ARHGAP32: variants seen among roughly 807,000 people sequenced by gnomAD.
The protein encoded by ARHGAP32 is Rho GTPase activating protein 32.
ARHGAP32 carries 51 observed loss-of-function variants against 186.5 expected under a neutral mutation model. The ratio of observed to expected loss-of-function variants is 0.27; its 90% CI spans 0.22 to 0.35. The LOEUF (loss-of-function observed/expected upper bound fraction) is 0.35. Among genes scored for constraint, ARHGAP32 ranks in the 10% least tolerant of loss-of-function variants. The pLI is 1.00. For synonymous variants in ARHGAP32, 950 were observed against 964.3 expected, an observed-to-expected ratio of 0.99 and a Z score of 0.27; for missense variants, 2,186 against 2,623.5, an observed-to-expected ratio of 0.83 and a Z score of 3.64.
At chr11:128,982,571 A>G (rs890472590) in intron 15 of ARHGAP32, among the ~76,000 whole-genome samples, 8 of 151,746 alleles carry the variant, frequency 5.3e-5, no homozygotes, top group Non-Finnish European at 7.4e-5. Context: ...CGTCCTACCT[A>G]ATAGTGCCCA....
chr11:129,187,622 C>T (rs1236477351), intron 1 of ARHGAP32, among the ~76,000 whole-genome samples: 5 of 151,938 alleles, frequency 3.3e-5, no homozygotes, highest in Admixed American at 2.0e-4. Flanking sequence ...ATGATTATTA[C>T]ACATTGTGTG....
chr11:129,033,255 A>G, intron 11 of ARHGAP32, among the ~76,000 whole-genome samples: 1 of 152,222 alleles, frequency 6.6e-6, no homozygotes, highest in African/African-American at 2.4e-5. Flanking sequence ...CATGTGTCTT[A>G]GTCTGTGTAC....
intron 2 of ARHGAP32, among the ~76,000 whole-genome samples, chr11:129,137,459 T>C (rs1010364198): frequency 5.3e-5 from 8 of 151,932 alleles, no homozygotes; most frequent in Non-Finnish European, 1.2e-4. Flanking sequence ...AATTATAAGT[T>C]GGTACCTTAA....
chr11:129,219,963 G>A (rs577487872), intron 1 of ARHGAP32, among the ~76,000 whole-genome samples: 1 of 152,072 alleles, frequency 6.6e-6, no homozygotes, highest in East Asian at 1.9e-4. Context: ...ATAAAACCTG[G>A]CCATACAGTT....
chr11:128,987,106 G>A (rs1030274178), intron 13 of ARHGAP32, among the ~76,000 whole-genome samples: 6 of 152,154 alleles, frequency 3.9e-5, no homozygotes, highest in Admixed American at 1.3e-4. Flanking sequence ...ATGCTTTCCC[G>A]AAGCAGGATA....
chr11:129,235,714 T>TC (rs1176382016), intron 1 of ARHGAP32, among the ~76,000 whole-genome samples: 4 of 151,998 alleles, frequency 2.6e-5, no homozygotes, highest in Non-Finnish European at 2.9e-5. Flanking sequence ...TCCCCACTAC[T>TC]CCCCGAGTCC....
At chr11:129,057,100 G>C (rs1436395468) in intron 10 of ARHGAP32, among the ~76,000 whole-genome samples, 1 of 152,144 alleles carries the variant, frequency 6.6e-6, no homozygotes, top group Non-Finnish European at 1.5e-5. Flanking sequence ...CTGGCTGACC[G>C]AGGTGCATGC....
chr11:129,250,112 G>A (rs1490725144), intron 1 of ARHGAP32, among the ~76,000 whole-genome samples: 1 of 152,040 alleles, frequency 6.6e-6, no homozygotes, highest in Non-Finnish European at 1.5e-5. Flanking sequence ...AGCTGCTCAG[G>A]AGGGTGAAGT....
Position 129,056,760 on chromosome 11 carries a change from T to C in ARHGAP32, c.963+5520A>G, listed in dbSNP as rs1940268369. Among the ~76,000 whole-genome samples, 3 of 152,018 alleles carry C rather than the reference T, an allele frequency of 2.0e-5. No individual in the cohort carries two copies. The South Asian group carries it at 6.2e-4, about 32-fold the overall frequency. ...ACATCGAGCTGAGCAGAGCTGCAAA[T>C]GCAGACATATCGGGCCTGGGTGTCA... On this transcript the variant is annotated intron_variant, in intron 10 of 22. Transcript: ENST00000682385.
Position 128,980,704 on chromosome 11 carries a change from T to C in ARHGAP32, c.1825A>G (p.Thr609Ala). Residue 609 changes from threonine to alanine, a missense_variant, in exon 18 of 23, where the codon ACC becomes GCC. Thr to Ala is a moderately conservative substitution (Grantham distance 58). Around this residue, in one of 5 missense-constraint regions of ARHGAP32, gnomAD observed 263 missense variants for 323.5 expected, o/e 0.81. Coordinates refer to ENST00000682385, the MANE Select transcript of ARHGAP32 (RefSeq NM_001378024.1). The stretch of plus-strand genomic sequence containing the variant: ...GCCTCTTCCAATGTCAGCAGTTTGG[T>C]GGATGGAGAGGATACCAGGAGGGAC... ...PKSLLVSSPS[T>A]KLLTLEEAQA... The C allele has an allele frequency of 1.2e-6, 2 of 1,613,974 alleles. No homozygotes were observed. Among genetic ancestry groups the C allele is most frequent in the Non-Finnish European group, 1.7e-6 (2 of 1,179,924 alleles).
chr11:129,015,266 C>T (rs1387100277), intron 11 of ARHGAP32, among the ~76,000 whole-genome samples: 2 of 152,122 alleles, frequency 1.3e-5, no homozygotes, highest in East Asian at 3.8e-4. Flanking sequence ...AACTGGAAAA[C>T]ACGACCAGAA....
intron 6 of ARHGAP32, among the ~76,000 whole-genome samples, chr11:129,086,657 T>TA (rs1413041544): frequency 6.6e-6 from 1 of 151,736 alleles, no homozygotes; most frequent in Non-Finnish European, 1.5e-5. Flanking sequence ...CTGTCTCTAC[T>TA]AAAAATACAA....
At chr11:129,024,269 C>T (rs972919500) in intron 11 of ARHGAP32, 4 of 607,886 alleles carry the variant, frequency 6.6e-6, no homozygotes, top group Non-Finnish European at 8.3e-6. Context: ...CACCCATCAA[C>T]CCCACACAGG....
At chr11:129,197,590 G>A (rs924206821) in intron 1 of ARHGAP32, among the ~76,000 whole-genome samples, 6 of 152,124 alleles carry the variant, frequency 3.9e-5, no homozygotes, top group Non-Finnish European at 8.8e-5. Context: ...TGTGAATAAT[G>A]TGTGCTCTGT....
chr11:129,252,489 C>G (rs1565481465), intron 1 of ARHGAP32, among the ~76,000 whole-genome samples: 1 of 152,148 alleles, frequency 6.6e-6, no homozygotes, highest in Non-Finnish European at 1.5e-5. Context: ...TAAGAATTAG[C>G]TCTTCTTCTT....
At chr11:129,166,937 C>A (rs1406630460) in intron 1 of ARHGAP32, among the ~76,000 whole-genome samples, 1 of 152,054 alleles carries the variant, frequency 6.6e-6, no homozygotes, top group African/African-American at 2.4e-5. Flanking sequence ...TTTAGGATTT[C>A]TCTATTGGTT....
intron 10 of ARHGAP32, among the ~76,000 whole-genome samples, chr11:129,041,827 T>C (rs1939605548): frequency 6.6e-6 from 1 of 152,242 alleles, no homozygotes; most frequent in East Asian, 1.9e-4. Flanking sequence ...GAAATCTTTA[T>C]CAATATTTAT....
intron 1 of ARHGAP32, among the ~76,000 whole-genome samples, chr11:129,240,523 C>G (rs551489910): frequency 6.6e-6 from 1 of 152,164 alleles, no homozygotes; most frequent in Non-Finnish European, 1.5e-5. Flanking sequence ...CTAGTTTACC[C>G]TTCTCACAGG....
chr11:129,115,954 C>T (rs1192776430), intron 5 of ARHGAP32, among the ~76,000 whole-genome samples: 2 of 152,116 alleles, frequency 1.3e-5, no homozygotes, highest in African/African-American at 4.8e-5. Flanking sequence ...GTGCAGAGTT[C>T]TCTTGTGGTA....
Sources: allele counts gnomAD v4.1 joint callset (sites outside exome capture counted in the v4.1 genomes callset), GRCh38; gene constraint gnomAD v4.1.1; regional missense constraint gnomAD v4.1.1; transcripts MANE v1.5; gene names NCBI Gene and HGNC (gene_info 2026-07-23, HGNC 2026-07-21).